The following LMBR1 variants were observed in gnomAD, a reference collection of about 807,000 sequenced individuals.
LMBR1 encodes the protein limb region 1 protein homolog.
In LMBR1, 52 loss-of-function variants were observed where a neutral mutation model predicts 73.9. The observed-to-expected ratio is 0.70, with a 90% CI of 0.56 to 0.89. LMBR1 has a LOEUF of 0.89. Among genes scored for constraint, LMBR1 ranks in the 40% least tolerant of loss-of-function variants. The probability of loss-of-function intolerance (pLI) is 0.00; values close to 1 mark genes in which losing one functional copy is unlikely to be tolerated. For missense variants in LMBR1, 539 were observed against 579.8 expected, an observed-to-expected ratio of 0.93 and a Z score of 0.72; for synonymous variants, 215 against 209.4, an observed-to-expected ratio of 1.03 and a Z score of -0.23.
At chr7:156,695,512 C>T (rs10243350) in intron 15 of LMBR1, among the ~76,000 whole-genome samples, 1 of 152,132 alleles carries the variant, frequency 6.6e-6, no homozygotes, top group African/African-American at 2.4e-5. Context: ...ACAGGCACAT[C>T]TTACATGGCC....
At chr7:156,827,061 TA>T (rs1459518965) in intron 3 of LMBR1, among the ~76,000 whole-genome samples, 3 of 152,184 alleles carry the variant, frequency 2.0e-5, no homozygotes, top group Admixed American at 6.5e-5. Flanking sequence ...CTTTTAAATG[TA>T]AGTATTTATT....
chr7:156,787,879 C>T (rs1453526304), intron 5 of LMBR1, among the ~76,000 whole-genome samples: 3 of 152,178 alleles, frequency 2.0e-5, no homozygotes, highest in Admixed American at 6.5e-5. Flanking sequence ...CAGGTTCGAG[C>T]GATTCTCCTG....
chr7:156,864,280 A>AT (rs1256682545), intron 1 of LMBR1, among the ~76,000 whole-genome samples: 4 of 152,238 alleles, frequency 2.6e-5, no homozygotes, highest in African/African-American at 9.6e-5. Context: ...GTTCATAAAC[A>AT]TAATTAGAAC....
intron 15 of LMBR1, among the ~76,000 whole-genome samples, chr7:156,690,652 T>C (rs56665781): frequency 0.016 from 2,440 of 152,318 alleles, 65 homozygotes; most frequent in African/African-American, 0.054. Flanking sequence ...TTTCAGGCTA[T>C]TTCAGGTTGA....
At chr7:156,822,457 C>T (rs1246457259) in intron 4 of LMBR1, 1 of 152,052 alleles carries the variant, frequency 6.6e-6, no homozygotes, top group Non-Finnish European at 1.5e-5. Flanking sequence ...ACCTGCATAC[C>T]TGAGCCCAGA....
intron 15 of LMBR1, among the ~76,000 whole-genome samples, chr7:156,699,283 TG>T (rs1809071733): frequency 1.3e-5 from 2 of 152,128 alleles, no homozygotes; most frequent in Non-Finnish European, 2.9e-5. Flanking sequence ...TTGACAAACC[TG>T]ACAAAAACAA....
At chr7:156,713,002 A>G (rs561928066) in intron 15 of LMBR1, among the ~76,000 whole-genome samples, 17 of 152,316 alleles carry the variant, frequency 1.1e-4, no homozygotes, top group Non-Finnish European at 1.8e-4. Flanking sequence ...TACCCCTGTA[A>G]ATTTATACAA....
intron 9 of LMBR1, among the ~76,000 whole-genome samples, chr7:156,756,187 T>C (rs936557439): frequency 1.3e-5 from 2 of 152,166 alleles, no homozygotes; most frequent in Non-Finnish European, 2.9e-5. Context: ...TCATAAAGAA[T>C]GGGTCCTGCT....
At chr7:156,735,463 T>A (rs1440653244) in intron 9 of LMBR1, among the ~76,000 whole-genome samples, 1 of 151,970 alleles carries the variant, frequency 6.6e-6, no homozygotes, top group African/African-American at 2.4e-5. Context: ...GTATTCTTTA[T>A]ATTTTACCTG....
At chr7:156,750,297 C>CGTGT (rs60663497) in intron 9 of LMBR1, among the ~76,000 whole-genome samples, 6,619 of 150,160 alleles carry the variant, frequency 0.044, 179 homozygotes, top group Non-Finnish European at 0.049. Context: ...TGTGTGTGTA[C>CGTGT]GTGTGTGTGT....
At chr7:156,839,286 T>C (rs1347205776) in intron 1 of LMBR1, among the ~76,000 whole-genome samples, 3 of 151,942 alleles carry the variant, frequency 2.0e-5, no homozygotes, top group Non-Finnish European at 2.9e-5. Flanking sequence ...TGACCACAGG[T>C]GATCCACCTG....
intron 1 of LMBR1, among the ~76,000 whole-genome samples, chr7:156,859,459 T>C (rs1380860329): frequency 6.6e-6 from 1 of 152,058 alleles, no homozygotes; most frequent in Non-Finnish European, 1.5e-5. Context: ...AAAATCCTAA[T>C]GAATCAACAA....
chr7:156,846,020 C>T (rs1186118159), intron 1 of LMBR1, among the ~76,000 whole-genome samples: 8 of 151,820 alleles, frequency 5.3e-5, no homozygotes, highest in Non-Finnish European at 1.5e-5. Context: ...CCTAGCTACT[C>T]AAGAGGCTGA....
chr7:156,699,656 T>C (rs980838692), intron 15 of LMBR1, among the ~76,000 whole-genome samples: 23 of 152,060 alleles, frequency 1.5e-4, no homozygotes, highest in African/African-American at 4.8e-4. Context: ...AACCTACTCA[T>C]CTGACAAAGG....
At chr7:156,815,580 T>TC (rs1833791438) in intron 4 of LMBR1, among the ~76,000 whole-genome samples, 1 of 152,140 alleles carries the variant, frequency 6.6e-6, no homozygotes, top group Non-Finnish European at 1.5e-5. Flanking sequence ...TCATACAGTT[T>TC]CCCCCATAAA....
intron 3 of LMBR1, among the ~76,000 whole-genome samples, chr7:156,831,275 A>ATTTTTTTT (rs10633275): frequency 0.027 from 3,446 of 127,580 alleles, 81 homozygotes; most frequent in South Asian, 0.06. Flanking sequence ...CCTACCCTAG[A>ATTTTTTTT]TTTTTTTTTT....
intron 15 of LMBR1, among the ~76,000 whole-genome samples, chr7:156,711,304 C>A (rs1055619210): frequency 2.0e-5 from 3 of 150,470 alleles, no homozygotes; most frequent in African/African-American, 7.3e-5. Flanking sequence ...GAGCGAGACT[C>A]TGTCTCAAAC....
At chr7:156,693,367 A>G (rs1563146677) in intron 15 of LMBR1, among the ~76,000 whole-genome samples, 1 of 151,990 alleles carries the variant, frequency 6.6e-6, no homozygotes, top group Non-Finnish European at 1.5e-5. Flanking sequence ...AAAATCAACA[A>G]GAGTTGGATT....
intron 1 of LMBR1, among the ~76,000 whole-genome samples, chr7:156,841,449 G>C (rs1422951408): frequency 1.3e-5 from 2 of 152,116 alleles, no homozygotes; most frequent in African/African-American, 4.8e-5. Flanking sequence ...AGTATAGCCA[G>C]AGAAGAGAAG....
Sources: gnomAD v4.1 joint callset for allele counts (sites outside exome capture counted in the v4.1 genomes callset) on GRCh38, gnomAD v4.1.1 for gene constraint, MANE v1.5 for transcripts, NCBI Gene and HGNC (gene_info 2026-07-23, HGNC 2026-07-21) for gene names.